The following ACTL6B variants were observed in gnomAD, a reference collection of about 807,000 sequenced individuals.
The protein encoded by ACTL6B is actin like 6B.
Under a neutral mutation model 63.3 loss-of-function variants are expected in ACTL6B, and 48 were observed. The observed-to-expected ratio is 0.76, with a 90% CI of 0.60 to 0.96. The LOEUF (loss-of-function observed/expected upper bound fraction) is 0.96, where lower values mean the gene tolerates loss of function less well. ACTL6B is among the 50% of genes least tolerant of loss of function. ACTL6B has a pLI of 0.00. For synonymous variants in ACTL6B, 230 were observed against 223.8 expected (o/e 1.03, Z -0.25); for missense variants, 350 against 572.2 (o/e 0.61, Z 3.96).
Position 100,648,487 on chromosome 7 carries a change from A to G in ACTL6B, c.669+69T>C. The G allele has an allele frequency of 7.5e-7, 1 of 1,338,344 alleles. No individual in the cohort carries two copies. The highest frequency in any genetic ancestry group is 1.0e-6 in the Non-Finnish European group (1 of 986,458). The allele number at this position is 1,338,344 out of a possible 1,614,324, so 82.9% of individuals were successfully genotyped here. On this transcript the variant is annotated intron_variant, in intron 7 of 13. Coordinates refer to ENST00000160382, the MANE Select transcript of ACTL6B (RefSeq NM_016188.5). This position sits in a 1 kb window ranked among gnomAD's most constrained non-coding sequence, Gnocchi z 4.4. The stretch of plus-strand genomic sequence containing the variant: ...TCTCTGCTCTGATATCTCATGTGTC[A>G]GAGGGTTGACGGCCATGGGGCGAGT...
chr7:100,653,614 C>G (rs1803982463), intron 4 of ACTL6B, among the ~76,000 whole-genome samples: 1 of 152,114 alleles, frequency 6.6e-6, no homozygotes, highest in South Asian at 2.1e-4. Flanking sequence ...TGCAATCCAA[C>G]CTGGGTGACA....
chr7:100,644,917 G>A (rs780259195), intron 13 of ACTL6B, among the ~76,000 whole-genome samples: 5 of 152,038 alleles, frequency 3.3e-5, no homozygotes, highest in Admixed American at 1.3e-4. Flanking sequence ...TTAGCCAGGC[G>A]TGGTGGCTCA....
At chr7:100,651,415 A>C (rs929219745) in intron 4 of ACTL6B, among the ~76,000 whole-genome samples, 12 of 151,784 alleles carry the variant, frequency 7.9e-5, no homozygotes, top group African/African-American at 2.9e-4. Context: ...GCCAGGTGTG[A>C]TGGGAGGTGC....
In ACTL6B at chr7:100,650,056, T is replaced by C; in HGVS notation, c.449A>G (p.Lys150Arg). The C allele has an allele frequency of 6.2e-7, 1 of 1,613,970 alleles. No homozygotes were observed. The highest frequency in any genetic ancestry group is 8.5e-7 in the Non-Finnish European group (1 of 1,179,976). ...AGGATACGCGGTGAGCACAGCCGTC[T>C]TGCATAAGAAGAAGGCAGGAATGTT... ...QYNIPAFFLCKTAVLTAFANG... is the reference protein window; with the variant it reads ...QYNIPAFFLCRTAVLTAFANG... The change falls in exon 5 of 14, where the codon AAG (lysine) becomes AGG (arginine). Residue 150 changes from lysine (K) to arginine (R), a missense_variant. This residue lies in a region of ACTL6B where 250 missense variants were observed against 364.7 expected (regional missense o/e 0.69). Transcript: ENST00000160382.
chr7:100,651,010 A>G (rs1803930539), intron 4 of ACTL6B, among the ~76,000 whole-genome samples: 1 of 152,218 alleles, frequency 6.6e-6, no homozygotes, highest in Non-Finnish European at 1.5e-5. Flanking sequence ...CACCACACTG[A>G]GGATAAAGTA....
intron 5 of ACTL6B, 190 bp downstream of exon 5, chr7:100,649,848 G>A: frequency 1.8e-6 from 1 of 554,306 alleles, no homozygotes; most frequent in South Asian, 2.1e-5. Context: ...CCGCTGATCT[G>A]GCCACCCCAG....
In ACTL6B at chr7:100,646,675, G is replaced by T; in HGVS notation, c.1018-29C>A. The T allele has an allele frequency of 1.2e-6, 2 of 1,613,218 alleles. No individual in the cohort carries two copies. The highest frequency in any genetic ancestry group is 2.7e-5 in the African/African-American group (2 of 75,026). ...AGAGCAGGGAGAAGGAGTGAGCTGC[G>T]GGGGCAGCCCCCCAACCCCGTCTCC... On this transcript the variant is annotated intron_variant, in intron 11 of 13. Transcript: ENST00000160382. The surrounding 1 kb of genome is among the most constrained non-coding windows in gnomAD (Gnocchi z 6.1).
Position 100,648,906 on chromosome 7 carries a change from C to G in ACTL6B, c.468-83G>C. 1 of 1,375,786 alleles carries G rather than the reference C, an allele frequency of 7.3e-7. No individual in the cohort carries two copies. Among genetic ancestry groups the G allele is most frequent in the South Asian group, 1.4e-5 (1 of 73,352 alleles). 85.2% of individuals were successfully genotyped at this position (1,375,786 alleles called of 1,614,324 possible). A position where few individuals can be genotyped will look rare whatever the true frequency, so the allele number is the denominator to read the frequency against. On this transcript the variant is annotated intron_variant, in intron 5 of 13. Transcript: ENST00000160382. This position sits in a 1 kb window ranked among gnomAD's most constrained non-coding sequence, Gnocchi z 4.4. The stretch of plus-strand genomic sequence containing the variant: ...AGATCTTGTCTGGTCACTCTCTGCT[C>G]TACCGGGGTCCAGCCCATCCCCAGT...
Position 100,655,337 on chromosome 7 carries a change from C to T in ACTL6B, c.268+84G>A, listed in dbSNP as rs1376652610. 2 of 1,474,844 alleles carry T rather than the reference C, an allele frequency of 1.4e-6. No homozygotes were observed. Among genetic ancestry groups the T allele is most frequent in the Non-Finnish European group, 1.8e-6 (2 of 1,084,962 alleles). The allele number at this position is 1,474,844 out of a possible 1,614,324, so 91.4% of individuals were successfully genotyped here. A position where few individuals can be genotyped will look rare whatever the true frequency, so the allele number is the denominator to read the frequency against. ...AACCCTGGGGCTGCAAGGAAGACTC[C>T]GCGGGGAGTGGGGGCTGCTATGACC... On this transcript the variant is annotated intron_variant, in intron 3 of 13. Transcript: ENST00000160382. This position sits in a 1 kb window ranked among gnomAD's most constrained non-coding sequence, Gnocchi z 4.4.
intron 4 of ACTL6B, among the ~76,000 whole-genome samples, 188 bp from the exon 5 acceptor site, chr7:100,650,323 CACACACACACACATACACTCAA>C (rs1344415962): frequency 6.8e-6 from 1 of 146,882 alleles, no homozygotes; most frequent in Non-Finnish European, 1.5e-5. Context: ...CATTCACTTG[CACACACACACACATACACTCAA>C]ACACACACAC....
intron 13 of ACTL6B, among the ~76,000 whole-genome samples, chr7:100,645,808 T>C (rs569388855): frequency 1.2e-3 from 182 of 152,206 alleles, no homozygotes; most frequent in Admixed American, 3.4e-3. Context: ...ATTTTTGGAT[T>C]TTTAGTAGAG....
chr7:100,647,169 C>CCAAA lies in ACTL6B; in HGVS notation c.821+53_821+54insTTTG. The CCAAA allele has an allele frequency of 6.2e-7, 1 of 1,602,256 alleles. No homozygotes were observed. Among genetic ancestry groups the CCAAA allele is most frequent in the Non-Finnish European group, 8.5e-7 (1 of 1,169,656 alleles). On this transcript the variant is annotated intron_variant, in intron 9 of 13. Transcript: ENST00000160382. This position sits in a 1 kb window ranked among gnomAD's most constrained non-coding sequence, Gnocchi z 4.4. ...AGCACCAGAGCCCCCCAGCCCACCC[C>CCAAA]AAGAGTGCCGGTTCTGCCCTCTCTC...
At chr7:100,653,686 A>AAACAAC (rs539842177) in intron 4 of ACTL6B, among the ~76,000 whole-genome samples, 1 of 151,888 alleles carries the variant, frequency 6.6e-6, no homozygotes, top group Non-Finnish European at 1.5e-5. Flanking sequence ...ACAAAACCCC[A>AAACAAC]AACAACAACA....
intron 1 of ACTL6B, 26 bp downstream of exon 1, chr7:100,656,304 G>A: frequency 2.2e-6 from 3 of 1,379,528 alleles, no homozygotes; most frequent in South Asian, 1.6e-5. Context: ...AGGGCTGCGG[G>A]AGCCGGGGGC....
intron 13 of ACTL6B, among the ~76,000 whole-genome samples, chr7:100,645,996 C>T (rs953549271): frequency 6.6e-6 from 1 of 152,188 alleles, no homozygotes; most frequent in African/African-American, 2.4e-5. Flanking sequence ...GTTTTCAACT[C>T]CTAGCCTCAA....
rs929755522 is a variant in ACTL6B, at chr7:100,655,099, G to T, written c.289C>A (p.Arg97=). The change falls in exon 4 of 14, where the codon CGA becomes AGA. Residue 97 remains arginine (R), a synonymous_variant. Transcript: ENST00000160382. This position sits in a 1 kb window ranked among gnomAD's most constrained non-coding sequence, Gnocchi z 4.4. The stretch of plus-strand genomic sequence containing the variant: ...CTGTAGGTGTGATCCAGGATGGCTC[G>T]GAAGCACTCCCAGTCCTCGACTGGG... ...NGMIEDWECF[R]AILDHTYSKH... 1.2e-6 allele frequency: 2 copies of T among 1,613,976 alleles called. No homozygotes were observed. The highest frequency in any genetic ancestry group is 3.3e-5 in the Admixed American group (2 of 59,994).
At position 100,647,124 on chromosome 7, in the gene ACTL6B, A is replaced by G; in HGVS notation, c.822-39T>C. ...AGCAGGACTCTGCCTGGGGTGCTCA[A>G]GAAGGATCAGTGCGTGGGCAGCACC... is the stretch of plus-strand genomic sequence containing the variant. On this transcript the variant is annotated intron_variant, in intron 9 of 13. Coordinates refer to ENST00000160382, the MANE Select transcript of ACTL6B (RefSeq NM_016188.5). This position sits in a 1 kb window ranked among gnomAD's most constrained non-coding sequence, Gnocchi z 4.4. The G allele has an allele frequency of 6.2e-7, 1 of 1,612,324 alleles. No homozygotes were observed. Among genetic ancestry groups the G allele is most frequent in the South Asian group, 1.1e-5 (1 of 91,042 alleles).
In ACTL6B at chr7:100,650,073, A is replaced by G. The variant is rs1365005960; in HGVS notation, c.432T>C (p.Pro144=). ...TELMFEQYNI[P]AFFLCKTAVL... is the part of the protein sequence containing the mutation. ...CAGCCGTCTTGCATAAGAAGAAGGC[A>G]GGAATGTTGTACTGCTCGAACATCA... The change falls in exon 5 of 14, where the codon CCT becomes CCC. Residue 144 remains proline, a synonymous_variant. Transcript: ENST00000160382. 1.9e-6 allele frequency: 3 copies of G among 1,613,900 alleles called. No individual in the cohort carries two copies. The highest frequency in any genetic ancestry group is 3.3e-5 in the Admixed American group (2 of 59,986).
At chr7:100,650,550 G>C (rs1445450950) in intron 4 of ACTL6B, among the ~76,000 whole-genome samples, 1 of 152,004 alleles carries the variant, frequency 6.6e-6, no homozygotes, top group Non-Finnish European at 1.5e-5. Context: ...TAAAACATTT[G>C]CACAGGCCAG....
Sources: allele counts gnomAD v4.1 joint callset (sites outside exome capture counted in the v4.1 genomes callset), GRCh38; gene constraint gnomAD v4.1.1; regional missense constraint gnomAD v4.1.1; non-coding constraint Gnocchi (gnomAD v3.1); transcripts MANE v1.5; gene names NCBI Gene and HGNC (gene_info 2026-07-23, HGNC 2026-07-21).